Variants in CNTN5 observed in about 807,000 individuals in gnomAD.
The protein encoded by CNTN5 is contactin-5.
In CNTN5, 77 loss-of-function variants were observed where a neutral mutation model predicts 129.1. The ratio of observed to expected loss-of-function variants is 0.60; its 90% CI spans 0.50 to 0.72. CNTN5 has a LOEUF of 0.72. CNTN5 is among the 30% of genes least tolerant of loss of function. CNTN5 has a pLI of 0.00. For synonymous variants in CNTN5, 509 were observed against 465.6 expected, an observed-to-expected ratio of 1.09 and a Z score of -1.20; for missense variants, 1,478 against 1,328.8, an observed-to-expected ratio of 1.11 and a Z score of -1.75.
chr11:99,575,716 T>C (rs796086924), intron 3 of CNTN5, among the ~76,000 whole-genome samples: 7 of 152,316 alleles, frequency 4.6e-5, no homozygotes, highest in African/African-American at 1.7e-4. Flanking sequence ...GGGACAGAAG[T>C]TGATGCTTCA....
In CNTN5 at chr11:100,203,799, TACACACACACACAC is replaced by T. The variant is rs59141425; in HGVS notation, c.1884+10155_1884+10168del. Among the ~76,000 whole-genome samples the T allele has an allele frequency of 2.9e-5, 4 of 139,100 alleles. No homozygotes were observed. In the East Asian group the frequency reaches 6.8e-4, roughly 24 times the overall value. 91.3% of individuals were successfully genotyped at this position (139,100 alleles called of 152,430 possible). A position where few individuals can be genotyped will look rare whatever the true frequency, so the allele number is the denominator to read the frequency against. ...CCATCCAATTACATAAATGTGCACG[TACACACACACACAC>T]ACACACACACACACACACTGCCCCT... On this transcript the variant is annotated intron_variant, in intron 15 of 24. Coordinates refer to ENST00000524871, the MANE Select transcript of CNTN5 (RefSeq NM_014361.4).
At chr11:99,693,639 A>G (rs1244631052) in intron 3 of CNTN5, among the ~76,000 whole-genome samples, 1 of 152,086 alleles carries the variant, frequency 6.6e-6, no homozygotes, top group Non-Finnish European at 1.5e-5. Flanking sequence ...GTCTCTGCAA[A>G]CATAATACCC....
intron 6 of CNTN5, among the ~76,000 whole-genome samples, chr11:99,908,616 A>G (rs781591125): frequency 1.3e-5 from 2 of 152,102 alleles, no homozygotes; most frequent in East Asian, 1.9e-4. Context: ...GCCAGAGTTC[A>G]TAGACTATAT....
intron 1 of CNTN5, among the ~76,000 whole-genome samples, chr11:99,144,973 C>A (rs1451019921): frequency 6.6e-6 from 1 of 151,968 alleles, no homozygotes; most frequent in Non-Finnish European, 1.5e-5. Flanking sequence ...TGTTTTCTTG[C>A]TTTTCCATGT....
chr11:99,895,278 G>C (rs1378782719), intron 6 of CNTN5, among the ~76,000 whole-genome samples: 1 of 152,188 alleles, frequency 6.6e-6, no homozygotes, highest in Non-Finnish European at 1.5e-5. Flanking sequence ...AGTCAATATT[G>C]ACATTCCCTA....
intron 3 of CNTN5, among the ~76,000 whole-genome samples, chr11:99,745,474 A>G (rs1047094593): frequency 5.9e-5 from 9 of 152,202 alleles, no homozygotes; most frequent in African/African-American, 2.2e-4. Context: ...TAGTACTACC[A>G]TGCTCAGCTA....
At chr11:99,507,576 C>T (rs1341899821) in intron 2 of CNTN5, among the ~76,000 whole-genome samples, 3 of 151,712 alleles carry the variant, frequency 2.0e-5, no homozygotes, top group African/African-American at 4.8e-5. Context: ...AATACATAAA[C>T]GATGTACTTT....
At chr11:100,319,080 G>A (rs1422149615) in intron 21 of CNTN5, among the ~76,000 whole-genome samples, 1 of 151,442 alleles carries the variant, frequency 6.6e-6, no homozygotes, top group East Asian at 1.9e-4. Flanking sequence ...CCCAGTTTGG[G>A]TCTCCTATAG....
chr11:99,210,854 T>C (rs1859738103), intron 1 of CNTN5, among the ~76,000 whole-genome samples: 1 of 112,792 alleles, frequency 8.9e-6, no homozygotes, highest in South Asian at 2.4e-4. Context: ...GAAGGGCAGA[T>C]AGCAGTCTTT....
intron 13 of CNTN5, among the ~76,000 whole-genome samples, chr11:100,075,202 A>G (rs1944079011): frequency 6.6e-6 from 1 of 152,186 alleles, no homozygotes; most frequent in Admixed American, 6.6e-5. Flanking sequence ...ATTTTTAAAA[A>G]TAGAGTATTT....
At chr11:99,211,236 G>A (rs1185712202) in intron 1 of CNTN5, among the ~76,000 whole-genome samples, 1 of 151,844 alleles carries the variant, frequency 6.6e-6, no homozygotes, top group Non-Finnish European at 1.5e-5. Flanking sequence ...TCTTTGTTTA[G>A]TCACTTGTTT....
chr11:99,241,588 A>G (rs1861562712), intron 1 of CNTN5, among the ~76,000 whole-genome samples: 1 of 152,044 alleles, frequency 6.6e-6, no homozygotes, highest in Admixed American at 6.6e-5. Flanking sequence ...AGGTAGGTAG[A>G]CAGATTGATA....
chr11:99,291,669 G>T (rs1404627014), intron 1 of CNTN5, among the ~76,000 whole-genome samples: 1 of 151,928 alleles, frequency 6.6e-6, no homozygotes, highest in Non-Finnish European at 1.5e-5. Flanking sequence ...TGAATACTTT[G>T]TTCTTTAGTT....
chr11:100,014,997 A>T (rs1225943137), intron 9 of CNTN5, among the ~76,000 whole-genome samples: 2 of 152,150 alleles, frequency 1.3e-5, no homozygotes, highest in Non-Finnish European at 2.9e-5. Flanking sequence ...AATTTTAAAT[A>T]TCTTTGACTC....
At position 99,812,650 on chromosome 11, in the gene CNTN5, G is replaced by A. The variant is rs546342104; in HGVS notation, c.56-6894G>A. On this transcript the variant is annotated intron_variant, in intron 3 of 24. Coordinates refer to ENST00000524871, the MANE Select transcript of CNTN5 (RefSeq NM_014361.4). ...TTGCTCAAAGGCACAGAGATATTAC[G>A]ATGTGGAATCTAGATTTGAATTCAT... Among the ~76,000 whole-genome samples, 8 of 152,136 alleles carry A rather than the reference G, an allele frequency of 5.3e-5. No individual in the cohort carries two copies. The South Asian group carries it at 6.2e-4, about 12-fold the overall frequency.
At chr11:99,660,157 A>T (rs1321995151) in intron 3 of CNTN5, among the ~76,000 whole-genome samples, 1 of 152,188 alleles carries the variant, frequency 6.6e-6, no homozygotes, top group Non-Finnish European at 1.5e-5. Context: ...AAAAAATACA[A>T]GAAAATCTAG....
At chr11:99,268,441 A>G (rs1863011871) in intron 1 of CNTN5, among the ~76,000 whole-genome samples, 1 of 151,722 alleles carries the variant, frequency 6.6e-6, no homozygotes, top group Non-Finnish European at 1.5e-5. Flanking sequence ...ATTAGATCAT[A>G]TATAAAATAA....
chr11:99,728,917 A>G (rs1418311863), intron 3 of CNTN5, among the ~76,000 whole-genome samples: 2 of 152,218 alleles, frequency 1.3e-5, no homozygotes, highest in East Asian at 1.9e-4. Context: ...GCATCCAGGT[A>G]TGTTGTACAC....
At chr11:99,242,557 A>T (rs754427691) in intron 1 of CNTN5, among the ~76,000 whole-genome samples, 5 of 151,938 alleles carry the variant, frequency 3.3e-5, no homozygotes, top group Non-Finnish European at 7.4e-5. Context: ...CATGTCGCTG[A>T]GGTTTGAGAT....
Sources: allele counts gnomAD v4.1 joint callset (sites outside exome capture counted in the v4.1 genomes callset), GRCh38; gene constraint gnomAD v4.1.1; transcripts MANE v1.5; gene names NCBI Gene and HGNC (gene_info 2026-07-23, HGNC 2026-07-21).